The following PDGFRA variants were observed in gnomAD, a reference collection of about 807,000 sequenced individuals.
PDGFRA encodes platelet derived growth factor receptor alpha, also known as platelet-derived growth factor receptor alpha.
In PDGFRA, 25 loss-of-function variants were observed where a neutral mutation model predicts 121.5. That is an observed-to-expected ratio of 0.21 (90% CI 0.15 to 0.29). The LOEUF is 0.29. PDGFRA is among the 10% of genes least tolerant of loss of function. The pLI is 1.00. For synonymous variants in PDGFRA, 463 were observed against 494.8 expected (o/e 0.94, Z 0.85); for missense variants, 1,008 against 1,345.1 (o/e 0.75, Z 3.92).
rs898963746 is a variant in PDGFRA, at chr4:54,295,415, G to A, written c.*143G>A. 2.1e-4 allele frequency: 159 copies of A among 748,118 alleles called. No homozygotes were observed. Among genetic ancestry groups the A allele is most frequent in the Middle Eastern group, 1.6e-3 (4 of 2,558 alleles). 46.3% of individuals were successfully genotyped at this position (748,118 alleles called of 1,614,324 possible). On this transcript the variant is annotated 3_prime_UTR_variant, in exon 23 of 23. Coordinates refer to ENST00000257290, the MANE Select transcript of PDGFRA (RefSeq NM_006206.6). ...TTCCCAGCCAAGGGCCTCGGGGAGC[G>A]TTCTAAATATGAATGAATGGGATAT...
chr4:54,278,524 A>C lies in PDGFRA; in HGVS notation c.2156+9A>C. 4 of 1,613,476 alleles carry C rather than the reference A, an allele frequency of 2.5e-6. No homozygotes were observed. The highest frequency in any genetic ancestry group is 3.4e-6 in the Non-Finnish European group (4 of 1,179,432). On this transcript the variant is annotated intron_variant, in intron 15 of 22. Coordinates refer to ENST00000257290, the MANE Select transcript of PDGFRA (RefSeq NM_006206.6). ...GATGAAAGCACACGGAGGTGGGTGC[A>C]AAGAGAGATGTTGCTGTCTATCATT...
At chr4:54,258,471 T>G (rs1577701091) in intron 1 of PDGFRA, among the ~76,000 whole-genome samples, 2 of 152,248 alleles carry the variant, frequency 1.3e-5, no homozygotes, top group South Asian at 4.1e-4. Flanking sequence ...TGTATTTATT[T>G]CTTTGTTGTT....
At chr4:54,278,316 G>A (rs370873719) in intron 14 of PDGFRA, 46 bp from the exon 15 acceptor site, 228 of 1,503,986 alleles carry the variant, frequency 1.5e-4, no homozygotes, top group Non-Finnish European at 1.9e-4. Context: ...TGGCTTTTCT[G>A]TTCTTCATTT....
chr4:54,282,315 C>T (rs1724121373), intron 16 of PDGFRA, among the ~76,000 whole-genome samples: 1 of 152,028 alleles, frequency 6.6e-6, no homozygotes, highest in African/African-American at 2.4e-5. Flanking sequence ...TAGATCTGCT[C>T]AGTTTTTGGA....
intron 1 of PDGFRA, among the ~76,000 whole-genome samples, chr4:54,231,264 C>A (rs1217813571): frequency 6.6e-6 from 1 of 152,246 alleles, no homozygotes; most frequent in Non-Finnish European, 1.5e-5. Context: ...GCCCCGCGTC[C>A]GAAAAGCCGC....
chr4:54,260,959 T>A (rs891144501), intron 2 of PDGFRA, 136 bp from the exon 3 acceptor site: 7 of 740,820 alleles, frequency 9.4e-6, no homozygotes, highest in African/African-American at 1.8e-5. Flanking sequence ...GGAGCTTTCA[T>A]GGGCATCCAG....
chr4:54,254,924 A>T (rs1722275918), intron 1 of PDGFRA, among the ~76,000 whole-genome samples: 1 of 152,152 alleles, frequency 6.6e-6, no homozygotes. Flanking sequence ...GGGAAAAGGG[A>T]AGGGAGGGTT....
chr4:54,288,576 T>C (rs1724467219), intron 19 of PDGFRA, among the ~76,000 whole-genome samples: 1 of 152,184 alleles, frequency 6.6e-6, no homozygotes, highest in Non-Finnish European at 1.5e-5. Flanking sequence ...TGTAGAATTT[T>C]TGTGATGGTA....
intron 8 of PDGFRA, 21 bp downstream of exon 8, chr4:54,270,769 G>A (rs1363130568): frequency 9.4e-6 from 12 of 1,275,696 alleles, no homozygotes; most frequent in Non-Finnish European, 1.0e-5. Context: ...GGAGTATAAA[G>A]ATAATGCTAG....
intron 1 of PDGFRA, among the ~76,000 whole-genome samples, chr4:54,252,146 A>T (rs975637577): frequency 6.6e-6 from 1 of 152,212 alleles, no homozygotes; most frequent in South Asian, 2.1e-4. Context: ...CAGAAGAAAT[A>T]AGAGGGATGG....
At position 54,274,640 on chromosome 4, in the gene PDGFRA, A is replaced by G. The variant is rs761569556; in HGVS notation, c.1653+15A>G. On this transcript the variant is annotated intron_variant, in intron 11 of 22. Transcript: ENST00000257290. Reference sequence around the variant, plus strand: ...TTTGGAAACAGGTAGATATTTTCTCATAAAACTAAAGATCTTTGAAGCCAA... The same window carrying G: ...TTTGGAAACAGGTAGATATTTTCTCGTAAAACTAAAGATCTTTGAAGCCAA... 26 of 1,589,240 alleles carry G rather than the reference A, an allele frequency of 1.6e-5. No homozygotes were observed. The highest frequency in any genetic ancestry group is 1.9e-5 in the Non-Finnish European group (22 of 1,157,306).
At chr4:54,232,059 C>G (rs1158935610) in intron 1 of PDGFRA, among the ~76,000 whole-genome samples, 1 of 152,254 alleles carries the variant, frequency 6.6e-6, no homozygotes, top group Non-Finnish European at 1.5e-5. Flanking sequence ...CCTGCAGACC[C>G]CACAGGGAAG....
chr4:54,272,813 G>A (rs1347480705), intron 9 of PDGFRA, among the ~76,000 whole-genome samples: 1 of 152,054 alleles, frequency 6.6e-6, no homozygotes, highest in Non-Finnish European at 1.5e-5. Flanking sequence ...TTTGGTAGTC[G>A]GACTGCATGT....
At chr4:54,285,592 C>A (rs2110336541) in intron 17 of PDGFRA, 106 bp downstream of exon 17, 1 of 748,364 alleles carries the variant, frequency 1.3e-6, no homozygotes, top group Non-Finnish European at 2.5e-6. Context: ...TAACAGGGGC[C>A]TCTTACTTAC....
At chr4:54,278,645 C>A in intron 15 of PDGFRA, 130 bp downstream of exon 15, 1 of 830,736 alleles carries the variant, frequency 1.2e-6, no homozygotes, top group Non-Finnish European at 2.0e-6. Context: ...AGTCAAACCA[C>A]CCTGTCCAGT....
At chr4:54,257,150 T>C (rs1243606541) in intron 1 of PDGFRA, among the ~76,000 whole-genome samples, 2 of 152,192 alleles carry the variant, frequency 1.3e-5, no homozygotes, top group Admixed American at 6.5e-5. Flanking sequence ...TATATGCTAA[T>C]TATAATGCAT....
chr4:54,243,914 T>TC lies in PDGFRA; in HGVS notation c.-13+14502dup, dbSNP rs1721459910. ...AAAAAAGGCACACCAGGAGATTATA[T>TC]CCCGCACATGGCTCAGAGGGTCCTA... is the stretch of plus-strand genomic sequence containing the variant. On this transcript the variant is annotated intron_variant, in intron 1 of 22. Transcript: ENST00000257290. 2.0e-5 allele frequency among the ~76,000 whole-genome samples: 3 copies of TC among 152,196 alleles called. No homozygotes were observed. The South Asian group carries it at 6.2e-4, about 32-fold the overall frequency.
At chr4:54,289,159 G>T in intron 21 of PDGFRA, 45 bp downstream of exon 21, 2 of 1,077,068 alleles carry the variant, frequency 1.9e-6, no homozygotes, top group Non-Finnish European at 2.9e-6. Flanking sequence ...AAAGCTGGAA[G>T]TTATACCAGT....
chr4:54,283,753 C>T (rs1386663367), intron 16 of PDGFRA, among the ~76,000 whole-genome samples: 2 of 152,174 alleles, frequency 1.3e-5, no homozygotes, highest in African/African-American at 2.4e-5. Flanking sequence ...ACCTTTTATG[C>T]TCTGCTTCCC....
Sources: allele counts gnomAD v4.1 joint callset (sites outside exome capture counted in the v4.1 genomes callset), GRCh38; gene constraint gnomAD v4.1.1; transcripts MANE v1.5; gene names NCBI Gene and HGNC (gene_info 2026-07-23, HGNC 2026-07-21).